Variants in DIP2B observed in about 807,000 individuals in gnomAD.
DIP2B encodes the protein DIP2 acetate--CoA ligase B (putative).
DIP2B carries 76 observed loss-of-function variants against 198.0 expected under a neutral mutation model. That is an observed-to-expected ratio of 0.38 (90% CI 0.32 to 0.46). The LOEUF (loss-of-function observed/expected upper bound fraction) is 0.46, where lower values mean the gene tolerates loss of function less well. DIP2B is among the 20% of genes least tolerant of loss of function. The pLI is 0.99. For synonymous variants in DIP2B, 701 were observed against 739.1 expected (o/e 0.95, Z 0.84); for missense variants, 1,559 against 1,978.4 (o/e 0.79, Z 4.02).
At chr12:50,734,904 CA>C (rs1220516762) in intron 33 of DIP2B, among the ~76,000 whole-genome samples, 168 bp from the exon 34 acceptor site, 7 of 152,240 alleles carry the variant, frequency 4.6e-5, no homozygotes, top group African/African-American at 1.7e-4. Flanking sequence ...CCCCTTTCAA[CA>C]AAAAATTATC....
At chr12:50,531,625 A>G (rs1468825709) in intron 1 of DIP2B, among the ~76,000 whole-genome samples, 1 of 152,164 alleles carries the variant, frequency 6.6e-6, no homozygotes, top group Non-Finnish European at 1.5e-5. Flanking sequence ...TGGGGCAAGG[A>G]AGGGGCACTG....
chr12:50,641,490 C>G (rs929583379), intron 3 of DIP2B, among the ~76,000 whole-genome samples: 3 of 152,200 alleles, frequency 2.0e-5, no homozygotes, highest in African/African-American at 7.2e-5. Context: ...GTGGGTGGTA[C>G]TAGGAGACCT....
intron 1 of DIP2B, among the ~76,000 whole-genome samples, chr12:50,529,906 C>T (rs1420964124): frequency 1.3e-5 from 2 of 152,050 alleles, no homozygotes; most frequent in East Asian, 1.9e-4. Flanking sequence ...GTAAACATAG[C>T]GTGCCTTCTT....
rs1592141579 is a variant in DIP2B at position 50,719,050 on chromosome 12, A to G, written c.3042+15A>G. On this transcript the variant is annotated intron_variant, in intron 25 of 37. Transcript: ENST00000301180. ...TAAATGCCAAGGTATTAAAAATTCA[A>G]TGGTATATCTAATCAGCTGACTACT... 6.2e-7 allele frequency: 1 copy of G among 1,613,160 alleles called. No homozygotes were observed. The highest frequency in any genetic ancestry group is 8.5e-7 in the Non-Finnish European group (1 of 1,179,488).
At chr12:50,727,315 C>T (rs2139593502) in intron 28 of DIP2B, among the ~76,000 whole-genome samples, 1 of 152,226 alleles carries the variant, frequency 6.6e-6, no homozygotes, top group South Asian at 2.1e-4. Context: ...CCCAACAGTT[C>T]TATGAGGGTA....
At chr12:50,508,771 T>C (rs1197269575) in intron 1 of DIP2B, among the ~76,000 whole-genome samples, 3 of 151,950 alleles carry the variant, frequency 2.0e-5, no homozygotes, top group African/African-American at 7.2e-5. Flanking sequence ...AATGGTGCGA[T>C]CTCAGCTCAC....
chr12:50,662,920 C>A (rs906471270), intron 4 of DIP2B, among the ~76,000 whole-genome samples: 1 of 151,798 alleles, frequency 6.6e-6, no homozygotes, highest in East Asian at 1.9e-4. Context: ...ATCAGCCTGA[C>A]CAACAAGGTG....
At chr12:50,653,873 ATT>A (rs199966792) in intron 3 of DIP2B, among the ~76,000 whole-genome samples, 2 of 150,036 alleles carry the variant, frequency 1.3e-5, no homozygotes, top group African/African-American at 2.5e-5. Context: ...TCCTTTTGCT[ATT>A]TTTTTTGTTT....
At chr12:50,510,644 C>A (rs775480399) in intron 1 of DIP2B, among the ~76,000 whole-genome samples, 1 of 145,418 alleles carries the variant, frequency 6.9e-6, no homozygotes, top group East Asian at 1.9e-4. Flanking sequence ...AGCTAAAGTA[C>A]CACCTTTTTT....
chr12:50,744,331 C>G (rs1329513859), intron 37 of DIP2B, among the ~76,000 whole-genome samples: 1 of 152,058 alleles, frequency 6.6e-6, no homozygotes, highest in Non-Finnish European at 1.5e-5. Context: ...TTTCAAACTC[C>G]CAGGAGATTC....
intron 1 of DIP2B, among the ~76,000 whole-genome samples, chr12:50,610,567 G>A (rs562009004): frequency 2.4e-4 from 37 of 151,552 alleles, no homozygotes; most frequent in African/African-American, 8.2e-4. Context: ...GTGCAGTGGC[G>A]CCATCTCGGC....
chr12:50,723,818 T>C (rs1053150268), intron 27 of DIP2B, among the ~76,000 whole-genome samples: 14 of 152,328 alleles, frequency 9.2e-5, no homozygotes, highest in African/African-American at 2.6e-4. Flanking sequence ...TGCAAAATTA[T>C]CTAGGCGATT....
chr12:50,653,523 GT>G (rs1159562324), intron 3 of DIP2B, among the ~76,000 whole-genome samples: 1 of 151,380 alleles, frequency 6.6e-6, no homozygotes, highest in Non-Finnish European at 1.5e-5. Flanking sequence ...GTGTTTCTTT[GT>G]AGAGACGAGG....
chr12:50,571,170 CT>C lies in DIP2B; in HGVS notation c.101-54788del, dbSNP rs71083599. On this transcript the variant is annotated intron_variant, in intron 1 of 37. Transcript: ENST00000301180. ...GAGAATATGTTATTATTGGCAGCCT[CT>C]TTTTTTTTTTTTTTTTTGGAGATGG... Among the ~76,000 whole-genome samples, 717 of 126,876 alleles carry C rather than the reference CT, an allele frequency of 5.7e-3. 6 individuals carry two copies. Among genetic ancestry groups the C allele is most frequent in the African/African-American group, 0.018 (600 of 33,518 alleles). The allele number at this position is 126,876 out of a possible 152,430, so 83.2% of individuals were successfully genotyped here.
intron 1 of DIP2B, among the ~76,000 whole-genome samples, chr12:50,600,595 G>T (rs934226436): frequency 6.6e-6 from 1 of 152,120 alleles, no homozygotes; most frequent in Non-Finnish European, 1.5e-5. Flanking sequence ...CTTATCTACT[G>T]AAAGAGGTAG....
At chr12:50,530,184 C>A (rs1958203394) in intron 1 of DIP2B, among the ~76,000 whole-genome samples, 1 of 152,140 alleles carries the variant, frequency 6.6e-6, no homozygotes, top group Admixed American at 6.5e-5. Flanking sequence ...TCATGCCATT[C>A]TCCCGCTTCA....
intron 7 of DIP2B, among the ~76,000 whole-genome samples, chr12:50,675,790 C>T (rs1379276027): frequency 6.6e-6 from 1 of 152,128 alleles, no homozygotes; most frequent in East Asian, 1.9e-4. Context: ...TCAAATTCAG[C>T]CTCAAAAGTT....
At chr12:50,513,946 C>G (rs1217459455) in intron 1 of DIP2B, among the ~76,000 whole-genome samples, 1 of 151,794 alleles carries the variant, frequency 6.6e-6, no homozygotes, top group Non-Finnish European at 1.5e-5. Flanking sequence ...CGTGAGTCCT[C>G]TCAGACTTAA....
intron 1 of DIP2B, among the ~76,000 whole-genome samples, chr12:50,549,943 G>A (rs902251424): frequency 6.6e-6 from 1 of 151,850 alleles, no homozygotes; most frequent in East Asian, 1.9e-4. Flanking sequence ...AACAATCAAG[G>A]TACCTAGTTG....
Sources: allele counts gnomAD v4.1 joint callset (sites outside exome capture counted in the v4.1 genomes callset), GRCh38; gene constraint gnomAD v4.1.1; transcripts MANE v1.5; gene names NCBI Gene and HGNC (gene_info 2026-07-23, HGNC 2026-07-21).